Variants in LRMDA observed in about 807,000 individuals in gnomAD.
The protein encoded by LRMDA is leucine-rich melanocyte differentiation-associated protein.
In LRMDA, 18 loss-of-function variants were observed where a neutral mutation model predicts 29.8. That is an observed-to-expected ratio of 0.60 (90% CI 0.42 to 0.90). The LOEUF (loss-of-function observed/expected upper bound fraction) is 0.90, where lower values mean the gene tolerates loss of function less well. Among genes scored for constraint, LRMDA ranks in the 40% least tolerant of loss-of-function variants. The pLI is 0.00. For synonymous variants in LRMDA, 125 were observed against 109.4 expected, an observed-to-expected ratio of 1.14 and a Z score of -0.89; for missense variants, 273 against 273.9, an observed-to-expected ratio of 1.00 and a Z score of 0.02.
At chr10:76,219,130 G>A (rs968903391) in intron 5 of LRMDA, among the ~76,000 whole-genome samples, 16 of 152,134 alleles carry the variant, frequency 1.1e-4, no homozygotes, top group African/African-American at 3.4e-4. Context: ...AACATGGAAA[G>A]GAACAACCGG....
intron 2 of LRMDA, among the ~76,000 whole-genome samples, chr10:76,014,162 T>TTA (rs980124853): frequency 4.8e-4 from 62 of 128,756 alleles, no homozygotes; most frequent in Admixed American, 1.2e-3. Context: ...ATATATATAA[T>TTA]TATATATATA....
chr10:75,827,143 T>A (rs970638083), intron 2 of LRMDA, among the ~76,000 whole-genome samples: 2 of 152,218 alleles, frequency 1.3e-5, no homozygotes, highest in Non-Finnish European at 2.9e-5. Flanking sequence ...ATGTGATGAT[T>A]GCACATCGCA....
At chr10:75,464,258 C>T (rs1477229450) in intron 2 of LRMDA, among the ~76,000 whole-genome samples, 1 of 152,124 alleles carries the variant, frequency 6.6e-6, no homozygotes, top group Non-Finnish European at 1.5e-5. Context: ...TAGTCTTCTT[C>T]GAAGGGGTTG....
intron 3 of LRMDA, 39 bp from the exon 4 acceptor site, chr10:76,047,125 C>G: frequency 6.2e-7 from 1 of 1,612,424 alleles, no homozygotes; most frequent in Non-Finnish European, 8.5e-7. Flanking sequence ...ATTGCTAAGC[C>G]TTTTGTCTTA....
Position 75,431,700 on chromosome 10 carries a change from G to T in LRMDA, c.-25G>T, listed in dbSNP as rs1844197855. 1 of 1,301,420 alleles carries T rather than the reference G, an allele frequency of 7.7e-7. No individual in the cohort carries two copies. The highest frequency in any genetic ancestry group is 9.7e-7 in the Non-Finnish European group (1 of 1,029,304). 80.6% of individuals were successfully genotyped at this position (1,301,420 alleles called of 1,614,324 possible). On this transcript the variant is annotated 5_prime_UTR_variant, in exon 1 of 7. Coordinates refer to ENST00000611255, the MANE Select transcript of LRMDA (RefSeq NM_001305581.2). ...CCGCCGCGCCCCCGCGCTCCGTCCC[G>T]CGCGCCCGCAGCGTCCTGGCCGCCA...
chr10:75,799,722 G>C (rs1409193340), intron 2 of LRMDA, among the ~76,000 whole-genome samples: 1 of 139,172 alleles, frequency 7.2e-6, no homozygotes, highest in Non-Finnish European at 1.6e-5. Context: ...GTGTGTGTGT[G>C]TTTAGTAGAG....
chr10:76,033,578 C>G (rs923713347), intron 2 of LRMDA, among the ~76,000 whole-genome samples: 2 of 152,112 alleles, frequency 1.3e-5, no homozygotes, highest in Non-Finnish European at 2.9e-5. Flanking sequence ...GAGCTTTCTT[C>G]TGCTTGCCAG....
intron 4 of LRMDA, among the ~76,000 whole-genome samples, chr10:76,057,218 C>T (rs553935329): frequency 6.6e-6 from 1 of 152,286 alleles, no homozygotes; most frequent in East Asian, 1.9e-4. Context: ...CCACTCTATG[C>T]ATAACCTCGA....
At chr10:76,298,620 G>C (rs973969682) in intron 5 of LRMDA, among the ~76,000 whole-genome samples, 1 of 152,230 alleles carries the variant, frequency 6.6e-6, no homozygotes, top group East Asian at 1.9e-4. Context: ...AGAGGCCTGG[G>C]GTAGCCAAAG....
chr10:75,465,687 G>A (rs1405458285), intron 2 of LRMDA, among the ~76,000 whole-genome samples: 1 of 152,148 alleles, frequency 6.6e-6, no homozygotes, highest in Non-Finnish European at 1.5e-5. Flanking sequence ...AAGTGGCCAT[G>A]GTTTAAAAAA....
intron 2 of LRMDA, among the ~76,000 whole-genome samples, chr10:75,706,297 C>A (rs1404909751): frequency 6.6e-6 from 1 of 151,960 alleles, no homozygotes; most frequent in African/African-American, 2.4e-5. Context: ...ATTGCATATA[C>A]GTTTTCCACA....
intron 2 of LRMDA, among the ~76,000 whole-genome samples, chr10:75,881,246 G>C (rs772964078): frequency 6.6e-6 from 1 of 152,174 alleles, no homozygotes; most frequent in Non-Finnish European, 1.5e-5. Flanking sequence ...GAAAAGTAAA[G>C]GTGGCTGCTG....
chr10:76,492,640 C>T (rs1169961665), intron 6 of LRMDA, among the ~76,000 whole-genome samples: 1 of 152,018 alleles, frequency 6.6e-6, no homozygotes, highest in Non-Finnish European at 1.5e-5. Flanking sequence ...TGAAGAAATA[C>T]CTGAGACTGG....
At chr10:75,702,708 CAAAT>C (rs1842323525) in intron 2 of LRMDA, among the ~76,000 whole-genome samples, 1 of 152,142 alleles carries the variant, frequency 6.6e-6, no homozygotes, top group Non-Finnish European at 1.5e-5. Context: ...AATGTAAAAA[CAAAT>C]AAAAGATGTA....
chr10:75,539,606 T>C (rs1184784083), intron 2 of LRMDA, among the ~76,000 whole-genome samples: 1 of 152,220 alleles, frequency 6.6e-6, no homozygotes, highest in East Asian at 1.9e-4. Flanking sequence ...AATGCTTAAA[T>C]GTTCAGAAGC....
At chr10:76,327,092 C>CT (rs35683783) in intron 6 of LRMDA, among the ~76,000 whole-genome samples, 82,902 of 134,916 alleles carry the variant, frequency 0.61, 28,740 homozygotes, top group Non-Finnish European at 0.8. Flanking sequence ...TCCAAATCAT[C>CT]TTTTTTTTTT....
At chr10:76,014,108 AT>A (rs968074291) in intron 2 of LRMDA, among the ~76,000 whole-genome samples, 1 of 121,208 alleles carries the variant, frequency 8.3e-6, no homozygotes, top group African/African-American at 3.3e-5. Flanking sequence ...AAAAAAAAGT[AT>A]ATATATATAT....
chr10:76,525,931 C>T (rs1843170358), intron 6 of LRMDA, among the ~76,000 whole-genome samples: 1 of 152,160 alleles, frequency 6.6e-6, no homozygotes, highest in African/African-American at 2.4e-5. Flanking sequence ...ATTAAAATCT[C>T]ATTAAGTGAC....
At chr10:76,341,722 G>A (rs1386144707) in intron 6 of LRMDA, among the ~76,000 whole-genome samples, 1 of 152,178 alleles carries the variant, frequency 6.6e-6, no homozygotes, top group African/African-American at 2.4e-5. Context: ...GGTTGTTGAT[G>A]CTGGCTGTTG....
Sources: allele counts gnomAD v4.1 joint callset (sites outside exome capture counted in the v4.1 genomes callset), GRCh38; gene constraint gnomAD v4.1.1; transcripts MANE v1.5; gene names NCBI Gene and HGNC (gene_info 2026-07-23, HGNC 2026-07-21).